The following PRMT8 variants were observed in gnomAD, a reference collection of about 807,000 sequenced individuals.
PRMT8 encodes protein arginine methyltransferase 8.
PRMT8 carries 7 observed loss-of-function variants against 47.1 expected under a neutral mutation model. The ratio of observed to expected loss-of-function variants is 0.15; its 90% CI spans 0.08 to 0.28. The LOEUF (loss-of-function observed/expected upper bound fraction) is 0.28. Among genes scored for constraint, PRMT8 ranks in the 10% least tolerant of loss-of-function variants. The pLI is 1.00. For synonymous variants in PRMT8, 188 were observed against 186.5 expected, an observed-to-expected ratio of 1.01 and a Z score of -0.07; for missense variants, 237 against 505.4, an observed-to-expected ratio of 0.47 and a Z score of 5.09.
chr12:3,564,448 C>A lies in PRMT8; in HGVS notation c.482-4258C>A, dbSNP rs1866685918. Reference sequence around the variant, plus strand: ...AGAATGACTAGATTTCTGTAAGAACCACTCAAACCAAAAAGAAAAAATTCC... The same window carrying A: ...AGAATGACTAGATTTCTGTAAGAACAACTCAAACCAAAAAGAAAAAATTCC... On this transcript the variant is annotated intron_variant, in intron 4 of 9. Transcript: ENST00000382622. This position sits in a 1 kb window ranked among gnomAD's most constrained non-coding sequence, Gnocchi z 4.0. Among the ~76,000 whole-genome samples, 1 of 152,138 alleles carries A rather than the reference C, an allele frequency of 6.6e-6. No individual in the cohort carries two copies.
Position 3,540,617 on chromosome 12 carries a change from C to CCCCGA in PRMT8, c.90_91insGACCC (p.Ser31AspfsTer37). 8 of 1,137,500 alleles carry CCCCGA rather than the reference C, an allele frequency of 7.0e-6. No homozygotes were observed. The highest frequency in any genetic ancestry group is 1.3e-5 in the South Asian group (1 of 79,840). 70.5% of individuals were successfully genotyped at this position (1,137,500 alleles called of 1,614,324 possible). A position where few individuals can be genotyped will look rare whatever the true frequency, so the allele number is the denominator to read the frequency against. ...TCTCTTCCCCTCAGGTGAACAGCCC[C>CCCCGA]CCCTCCCAGCCCCCCCAGCCCGTCG... is the stretch of plus-strand genomic sequence containing the variant. On this transcript the variant is annotated frameshift_variant, in exon 2 of 10. Transcript: ENST00000382622. LOFTEE classifies it high-confidence loss of function.
At chr12:3,402,082 A>T (rs1864323102) in intron 1 of PRMT8, among the ~76,000 whole-genome samples, 1 of 152,234 alleles carries the variant, frequency 6.6e-6, no homozygotes, top group Non-Finnish European at 1.5e-5. Flanking sequence ...TTCAAACTAT[A>T]CTACACAGCT....
At position 3,508,271 on chromosome 12, in the gene PRMT8, C is replaced by T. The variant is rs530796146; in HGVS notation, c.75+16571C>T. Among the ~76,000 whole-genome samples the T allele has an allele frequency of 2.0e-5, 3 of 152,184 alleles. No individual in the cohort carries two copies. The highest frequency in any genetic ancestry group is 3.9e-4 in the East Asian group (2 of 5,180). On this transcript the variant is annotated intron_variant, in intron 1 of 9. Transcript: ENST00000382622. The surrounding 1 kb of genome is among the most constrained non-coding windows in gnomAD (Gnocchi z 4.9). ...CTATTCCAGACAGACTGCAGGGTGT[C>T]GGGATGTTTCTGTGTGGGGATATGT...
intron 8 of PRMT8, among the ~76,000 whole-genome samples, chr12:3,588,090 G>T (rs1192473618): frequency 6.6e-6 from 1 of 152,176 alleles, no homozygotes; most frequent in Non-Finnish European, 1.5e-5. Flanking sequence ...AGCAGGCCTG[G>T]GTGCAAGCCC....
intron 4 of PRMT8, among the ~76,000 whole-genome samples, chr12:3,561,560 G>T (rs778986097): frequency 6.6e-6 from 1 of 152,108 alleles, no homozygotes; most frequent in African/African-American, 2.4e-5. Context: ...GGTGTCCTAC[G>T]GTGAGGGTGG....
chr12:3,455,184 G>T (rs1411026296), intron 1 of PRMT8, among the ~76,000 whole-genome samples: 2 of 152,154 alleles, frequency 1.3e-5, no homozygotes, highest in Non-Finnish European at 2.9e-5. Flanking sequence ...GTCTGTTACT[G>T]TGCGGTGGGC....
chr12:3,425,231 T>C (rs1864590908), intron 1 of PRMT8, among the ~76,000 whole-genome samples: 1 of 152,254 alleles, frequency 6.6e-6, no homozygotes, highest in Non-Finnish European at 1.5e-5. Context: ...TAGCCATTGA[T>C]GTCCTTTGGT....
At chr12:3,406,739 C>G (rs1241811720) in intron 1 of PRMT8, among the ~76,000 whole-genome samples, 1 of 152,234 alleles carries the variant, frequency 6.6e-6, no homozygotes, top group Non-Finnish European at 1.5e-5. Flanking sequence ...AGCTATTCAA[C>G]AAATCTGTAG....
chr12:3,451,188 T>C (rs1565411043), intron 1 of PRMT8, among the ~76,000 whole-genome samples: 1 of 152,104 alleles, frequency 6.6e-6, no homozygotes, highest in Non-Finnish European at 1.5e-5. Flanking sequence ...ATTTATGTGA[T>C]TGGCTCACAA....
At chr12:3,449,761 G>C (rs1213730865) in intron 1 of PRMT8, among the ~76,000 whole-genome samples, 1 of 152,040 alleles carries the variant, frequency 6.6e-6, no homozygotes, top group Non-Finnish European at 1.5e-5. Context: ...TTTTGCTTTT[G>C]TTGCAATTGC....
rs74056116 is a variant in PRMT8 at position 3,538,471 on chromosome 12, C to T, written c.76-2135C>T. The T allele has an allele frequency of 6.5e-3, 2,367 of 364,074 alleles. 54 individuals are homozygous for T. Among genetic ancestry groups the T allele is most frequent in the African/African-American group, 0.046 (2,158 of 47,074 alleles). The allele number at this position is 364,074 out of a possible 1,614,324, so 22.6% of individuals were successfully genotyped here. ...ATGTTCAGGGATCACAGGCCACTGC[C>T]GTTTCCCACCCACTCCCAGCCTCCG... On this transcript the variant is annotated intron_variant, in intron 1 of 9. Transcript: ENST00000382622. This position sits in a 1 kb window ranked among gnomAD's most constrained non-coding sequence, Gnocchi z 4.6.
At chr12:3,470,323 C>A (rs1319337408) in intron 1 of PRMT8, among the ~76,000 whole-genome samples, 1 of 152,116 alleles carries the variant, frequency 6.6e-6, no homozygotes, top group Non-Finnish European at 1.5e-5. Flanking sequence ...CAATTGTTCT[C>A]ACTTTGGTTG....
chr12:3,539,013 T>G, intron 1 of PRMT8, among the ~76,000 whole-genome samples: 1 of 152,056 alleles, frequency 6.6e-6, no homozygotes, highest in East Asian at 1.9e-4. Flanking sequence ...CTGCGCGGAG[T>G]GATTCCACGG....
intron 1 of PRMT8, among the ~76,000 whole-genome samples, chr12:3,497,334 G>A (rs1446176084): frequency 6.6e-6 from 1 of 152,190 alleles, no homozygotes; most frequent in African/African-American, 2.4e-5. Flanking sequence ...AACCGAAGAT[G>A]CATTGTTGGC....
upstream of PRMT8, among the ~76,000 whole-genome samples, chr12:3,489,359 G>A (rs1226233575): frequency 6.6e-6 from 1 of 151,908 alleles, no homozygotes. Flanking sequence ...GCAGTGTTGG[G>A]TGGGGGCAGA....
At chr12:3,389,279 G>C (rs1864169831) in intron 1 of PRMT8, among the ~76,000 whole-genome samples, 1 of 152,164 alleles carries the variant, frequency 6.6e-6, no homozygotes, top group African/African-American at 2.4e-5. Context: ...TAAGTGGACT[G>C]TCCAGGGTCA....
intron 1 of PRMT8, among the ~76,000 whole-genome samples, chr12:3,433,287 G>A (rs917588): frequency 0.67 from 101,369 of 152,198 alleles, 37,714 homozygotes; most frequent in East Asian, 0.92. Flanking sequence ...AGTATTGTTT[G>A]CAGTAGCAGA....
chr12:3,391,139 G>A (rs916905534), intron 1 of PRMT8, among the ~76,000 whole-genome samples: 6 of 151,908 alleles, frequency 3.9e-5, no homozygotes, highest in Admixed American at 6.6e-5. Flanking sequence ...CATTTTTTTC[G>A]GTAGATCTTT....
intron 1 of PRMT8, among the ~76,000 whole-genome samples, chr12:3,465,145 T>G (rs1243418268): frequency 8.5e-6 from 1 of 117,870 alleles, no homozygotes; most frequent in African/African-American, 2.7e-5. Context: ...TATATATATA[T>G]ATAATTTTTT....
Sources: allele counts gnomAD v4.1 joint callset (sites outside exome capture counted in the v4.1 genomes callset), GRCh38; gene constraint gnomAD v4.1.1; non-coding constraint Gnocchi (gnomAD v3.1); transcripts MANE v1.5; gene names NCBI Gene and HGNC (gene_info 2026-07-23, HGNC 2026-07-21).